The following TMPRSS11B variants were observed in gnomAD, a reference collection of about 807,000 sequenced individuals.
TMPRSS11B encodes transmembrane serine protease 11B, also known as transmembrane protease serine 11B.
In TMPRSS11B, 53 loss-of-function variants were observed where a neutral mutation model predicts 44.7. That is an observed-to-expected ratio of 1.19 (90% CI 0.95 to 1.49). The LOEUF (loss-of-function observed/expected upper bound fraction) is 1.49, where lower values mean the gene tolerates loss of function less well. Ranked by LOEUF, TMPRSS11B falls within the 40% of genes most tolerant of loss-of-function variation. TMPRSS11B has a pLI of 0.00. For synonymous variants in TMPRSS11B, 140 were observed against 159.2 expected (o/e 0.88, Z 0.91); for missense variants, 526 against 494.8 (o/e 1.06, Z -0.60).
rs1393709370 is a variant in TMPRSS11B, at chr4:68,227,012, G to C, written c.*899C>G. ...TTGTCAACTTATCACAGATGATGGA[G>C]AGTGACTTTAACCAAATCATTTCTC... On this transcript the variant is annotated 3_prime_UTR_variant, in exon 10 of 10. Transcript: ENST00000332644. The C allele has an allele frequency of 6.6e-6, 1 of 152,184 alleles. No homozygotes were observed. The highest frequency in any genetic ancestry group is 6.5e-5 in the Admixed American group (1 of 15,278). The allele number at this position is 152,184 out of a possible 1,614,324, so 9.4% of individuals were successfully genotyped here. A position where few individuals can be genotyped will look rare whatever the true frequency, so the allele number is the denominator to read the frequency against.
intron 6 of TMPRSS11B, 28 bp from the exon 7 acceptor site, chr4:68,231,408 G>C (rs763858266): frequency 1.3e-6 from 2 of 1,562,660 alleles, no homozygotes; most frequent in African/African-American, 2.8e-5. Flanking sequence ...TTACACGAGA[G>C]CAGGTATCTT....
Position 68,241,707 on chromosome 4 carries a change from C to A in TMPRSS11B, c.106G>T (p.Val36Phe), listed in dbSNP as rs761390083. Residue 36 changes from valine to phenylalanine, a missense_variant, in exon 2 of 10, where the codon GTT becomes TTT. Coordinates refer to ENST00000332644, the MANE Select transcript of TMPRSS11B (RefSeq NM_182502.3). ...AILGVTIGLL[V>F]HFLAVEKTYY... is the part of the protein sequence containing the mutation. ...TACTCACCAACTGCCAGAAAATGAA[C>A]AAGAAGACCAATGGTTACTCCCAAG... The A allele has an allele frequency of 7.5e-6, 12 of 1,610,374 alleles. No individual in the cohort carries two copies. The highest frequency in any genetic ancestry group is 1.7e-5 in the Admixed American group (1 of 59,840).
Position 68,229,384 on chromosome 4 carries a change from A to G in TMPRSS11B, c.819T>C (p.Leu273=), listed in dbSNP as rs150731986. ...AAGAAACTTCTTCAGCAAGCTGCAC[A>G]AGGGCAATATCATCATGAAGCCCAG... ...SSPGLHDDIA[L]VQLAEEVSFT... is the part of the protein sequence containing the mutation. The change falls in exon 8 of 10, where the codon CTT becomes CTC. Residue 273 remains leucine (L), a synonymous_variant. Coordinates refer to ENST00000332644, the MANE Select transcript of TMPRSS11B (RefSeq NM_182502.3). 3.7e-4 allele frequency: 595 copies of G among 1,614,150 alleles called. 1 individual carries two copies. In the African/African-American group the frequency reaches 7.0e-3, roughly 19 times the overall value.
chr4:68,242,431 G>A (rs547554056), intron 1 of TMPRSS11B, among the ~76,000 whole-genome samples: 8 of 117,576 alleles, frequency 6.8e-5, no homozygotes, highest in Non-Finnish European at 1.3e-4. Context: ...AATATAACAA[G>A]TTTTAATTAT....
intron 6 of TMPRSS11B, chr4:68,231,841 T>A (rs1719524806): frequency 6.4e-6 from 1 of 155,288 alleles, no homozygotes; most frequent in Non-Finnish European, 1.4e-5. Flanking sequence ...AGGACAGCGA[T>A]ATGCTCCTAT....
intron 2 of TMPRSS11B, among the ~76,000 whole-genome samples, chr4:68,241,207 A>C (rs1719811546): frequency 6.6e-6 from 1 of 152,206 alleles, no homozygotes; most frequent in Middle Eastern, 3.2e-3. Context: ...CTGTTAATAA[A>C]AGTTTTAAAA....
chr4:68,241,593 C>T, intron 2 of TMPRSS11B, 96 bp downstream of exon 2: 2 of 762,406 alleles, frequency 2.6e-6, no homozygotes, highest in South Asian at 3.9e-5. Context: ...TAAGAAAACT[C>T]CCAAGAAGAA....
At chr4:68,230,577 G>A (rs557746085) in intron 7 of TMPRSS11B, among the ~76,000 whole-genome samples, 1 of 151,658 alleles carries the variant, frequency 6.6e-6, no homozygotes, top group African/African-American at 2.4e-5. Flanking sequence ...GCTGAGGCAG[G>A]CGGATCACTT....
intron 5 of TMPRSS11B, among the ~76,000 whole-genome samples, chr4:68,234,192 A>C (rs751545802): frequency 6.6e-6 from 1 of 151,920 alleles, no homozygotes; most frequent in Non-Finnish European, 1.5e-5. Context: ...ATTCAATTAG[A>C]ACCCTTCACC....
At position 68,227,857 on chromosome 4, in the gene TMPRSS11B, A is replaced by C; in HGVS notation, c.*54T>G. The C allele has an allele frequency of 1.5e-6, 2 of 1,321,264 alleles. No homozygotes were observed. Among genetic ancestry groups the C allele is most frequent in the Non-Finnish European group, 2.0e-6 (2 of 1,017,342 alleles). The allele number at this position is 1,321,264 out of a possible 1,614,324, so 81.8% of individuals were successfully genotyped here. On this transcript the variant is annotated 3_prime_UTR_variant, in exon 10 of 10. Coordinates refer to ENST00000332644, the MANE Select transcript of TMPRSS11B (RefSeq NM_182502.3). The stretch of plus-strand genomic sequence containing the variant: ...CAAAATAAAAAGATCCCAAAGCCAC[A>C]GATAAGGATAGCCTACAGTGGTCTT...
chr4:68,228,105 C>A, intron 9 of TMPRSS11B, 33 bp from the exon 10 acceptor site: 1 of 1,554,066 alleles, frequency 6.4e-7, no homozygotes. Flanking sequence ...TGTTTCTTGT[C>A]TTAACAAAAA....
At chr4:68,240,166 A>G (rs1187121661) in intron 2 of TMPRSS11B, among the ~76,000 whole-genome samples, 1 of 152,198 alleles carries the variant, frequency 6.6e-6, no homozygotes, top group Non-Finnish European at 1.5e-5. Context: ...GCTGCCATCC[A>G]GCTAATTTCA....
At chr4:68,228,617 T>C (rs1243598632) in intron 9 of TMPRSS11B, 125 bp downstream of exon 9, 7 of 950,686 alleles carry the variant, frequency 7.4e-6, no homozygotes, top group East Asian at 5.4e-5. Flanking sequence ...AATTAATACA[T>C]TTTTAGTGTA....
intron 5 of TMPRSS11B, among the ~76,000 whole-genome samples, chr4:68,233,281 T>A (rs189823784): frequency 9.8e-4 from 149 of 152,200 alleles, no homozygotes; most frequent in African/African-American, 3.4e-3. Flanking sequence ...GGGGTCTTTA[T>A]TGTGTGGCAA....
At position 68,229,294 on chromosome 4, in the gene TMPRSS11B, A is replaced by G; in HGVS notation, c.909T>C (p.Asn303=). ...EAKMKLSEND[N]VVVTGWGTLY... is the part of the protein sequence containing the mutation. ...GTGTTCCCCAACCTGTAACTACAAC[A>G]TTGTCATTTTCTGAGAGCTTCATTT... Residue 303 remains asparagine (N), a synonymous_variant, in exon 8 of 10, where the codon AAT becomes AAC. Transcript: ENST00000332644. 1.2e-6 allele frequency: 2 copies of G among 1,612,992 alleles called. No homozygotes were observed. Among genetic ancestry groups the G allele is most frequent in the Non-Finnish European group, 1.7e-6 (2 of 1,179,432 alleles).
intron 2 of TMPRSS11B, among the ~76,000 whole-genome samples, chr4:68,237,219 T>G (rs1719696174): frequency 6.6e-6 from 1 of 152,112 alleles, no homozygotes; most frequent in African/African-American, 2.4e-5. Flanking sequence ...GTTAGTTTGC[T>G]GAGAATGATG....
chr4:68,228,813 C>T lies in TMPRSS11B; in HGVS notation c.1018G>A (p.Ala340Thr), dbSNP rs749726368. ...IDNKICNASY[A>T]YSGFVTDTML... ...GTATCAGTCACAAAGCCAGAGTATG[C>T]ATATGAGGCATTGCAAATTTTGTTG... Residue 340 changes from alanine (A) to threonine (T), a missense_variant, in exon 9 of 10, where the codon GCA (alanine) becomes ACA (threonine). Coordinates refer to ENST00000332644, the MANE Select transcript of TMPRSS11B (RefSeq NM_182502.3). The T allele has an allele frequency of 7.4e-6, 12 of 1,613,604 alleles. No homozygotes were observed. Among genetic ancestry groups the T allele is most frequent in the South Asian group, 1.1e-5 (1 of 90,974 alleles).
rs112688935 is a variant in TMPRSS11B, at chr4:68,234,554, G to A, written c.378C>T (p.Ser126=). 6.2e-7 allele frequency: 1 copy of A among 1,613,904 alleles called. No individual in the cohort carries two copies. Among genetic ancestry groups the A allele is most frequent in the Non-Finnish European group, 8.5e-7 (1 of 1,179,946 alleles). ...KFKFPPAEGV[S]MRTKIKAKLH... ...ATTTAGCCTTGATTTTAGTCCTCAT[G>A]CTAACTCCTTCTGCTGGAGGAAACT... Residue 126 remains serine (S), a synonymous_variant, in exon 5 of 10, where the codon AGC becomes AGT. Transcript: ENST00000332644.
At position 68,231,236 on chromosome 4, in the gene TMPRSS11B, C is replaced by T; in HGVS notation, c.653G>A (p.Arg218Lys). Residue 218 changes from arginine to lysine, a missense_variant, in exon 7 of 10, where the codon AGG (arginine) becomes AAG (lysine). Physicochemically the swap from Arg to Lys is conservative, Grantham distance 26 (BLOSUM62 2). Coordinates refer to ENST00000332644, the MANE Select transcript of TMPRSS11B (RefSeq NM_182502.3). ...GCAGTGAGCTGCAGATAATAGCCAC[C>T]TGCTGCTGATCAGAGAGGCTCCACA... ...HYCGASLISS[R>K]WLLSAAHCFA... 1 of 1,612,588 alleles carries T rather than the reference C, an allele frequency of 6.2e-7. No homozygotes were observed. The highest frequency in any genetic ancestry group is 8.5e-7 in the Non-Finnish European group (1 of 1,179,610).
Sources: gnomAD v4.1 joint callset for allele counts (sites outside exome capture counted in the v4.1 genomes callset) on GRCh38, gnomAD v4.1.1 for gene constraint, MANE v1.5 for transcripts, NCBI Gene and HGNC (gene_info 2026-07-23, HGNC 2026-07-21) for gene names.